PIK3R2: variants seen among roughly 807,000 people sequenced by gnomAD.
The protein encoded by PIK3R2 is phosphatidylinositol 3-kinase regulatory subunit beta.
PIK3R2 carries 40 observed loss-of-function variants against 78.5 expected under a neutral mutation model. The ratio of observed to expected loss-of-function variants is 0.51; its 90% CI spans 0.40 to 0.66. PIK3R2 has a LOEUF of 0.66. PIK3R2 is among the 30% of genes least tolerant of loss of function. The probability of loss-of-function intolerance (pLI) is 0.00; values close to 1 mark genes in which losing one functional copy is unlikely to be tolerated. For synonymous variants in PIK3R2, 473 were observed against 457.7 expected, an observed-to-expected ratio of 1.03 and a Z score of -0.43; for missense variants, 880 against 1,026.6, an observed-to-expected ratio of 0.86 and a Z score of 1.95.
At chr19:18,158,256 A>C (rs1398278557) in intron 2 of PIK3R2, among the ~76,000 whole-genome samples, 1 of 152,206 alleles carries the variant, frequency 6.6e-6, no homozygotes, top group Non-Finnish European at 1.5e-5. Flanking sequence ...TGGGAGGCCA[A>C]GGCGGGTGGA....
rs1001591816 is a variant in PIK3R2 at position 18,168,297 on chromosome 19, G to A, written c.1737-178G>A. On this transcript the variant is annotated intron_variant, in intron 13 of 15. Coordinates refer to ENST00000222254, the MANE Select transcript of PIK3R2 (RefSeq NM_005027.4). This position sits in a 1 kb window ranked among gnomAD's most constrained non-coding sequence, Gnocchi z 4.1. ...TCAGGGTTCCCCAGCAGAGCTGGGCGAGCCACCCTGGGTTCAGGCTGCCCT... is the reference window on the plus strand; with the variant it reads ...TCAGGGTTCCCCAGCAGAGCTGGGCAAGCCACCCTGGGTTCAGGCTGCCCT... 2.0e-5 allele frequency among the ~76,000 whole-genome samples: 3 copies of A among 152,126 alleles called. No homozygotes were observed. The highest frequency in any genetic ancestry group is 4.4e-5 in the Non-Finnish European group (3 of 68,020).
chr19:18,166,856 C>A (rs932753075), intron 12 of PIK3R2, among the ~76,000 whole-genome samples: 1 of 151,924 alleles, frequency 6.6e-6, no homozygotes, highest in East Asian at 1.9e-4. Flanking sequence ...CCCTGGAGGC[C>A]GGGTGCAGTG....
rs552587586 is a variant in PIK3R2, at chr19:18,161,031, C to T, written c.467-23C>T. On this transcript the variant is annotated intron_variant, in intron 4 of 15. Coordinates refer to ENST00000222254, the MANE Select transcript of PIK3R2 (RefSeq NM_005027.4). The surrounding 1 kb of genome is among the most constrained non-coding windows in gnomAD (Gnocchi z 5.3). ...GGGGCCCCAGTACACATGAGTTGGA[C>T]GTGTGCCCCCCTGCACCCGCAGACT... 4 of 1,611,406 alleles carry T rather than the reference C, an allele frequency of 2.5e-6. No individual in the cohort carries two copies. The highest frequency in any genetic ancestry group is 3.4e-6 in the Non-Finnish European group (4 of 1,179,184).
In PIK3R2 at chr19:18,169,654, T is replaced by C. The variant is rs1967135344; in HGVS notation, c.*360T>C. 4.2e-6 allele frequency: 1 copy of C among 239,542 alleles called. No individual in the cohort carries two copies. The highest frequency in any genetic ancestry group is 8.2e-6 in the Non-Finnish European group (1 of 122,694). The allele number at this position is 239,542 out of a possible 1,614,324, so 14.8% of individuals were successfully genotyped here. ...CGGGGTCCCGGAAGCCCCTTCTGGC[T>C]GCACCTGCCATGTTTACAGAGGGCC... On this transcript the variant is annotated 3_prime_UTR_variant, in exon 16 of 16. Transcript: ENST00000222254.
rs1034548059 is a variant in PIK3R2, at chr19:18,161,825, G to A, written c.816-141G>A. On this transcript the variant is annotated intron_variant, in intron 6 of 15. Transcript: ENST00000222254. This position sits in a 1 kb window ranked among gnomAD's most constrained non-coding sequence, Gnocchi z 5.3. ...CTATGAGGGAGCTGGCCTCGCACAT[G>A]TGCCTGTATCATCTCCTCCTCCGCC... 1.8e-4 allele frequency: 120 copies of A among 676,230 alleles called. No homozygotes were observed. The highest frequency in any genetic ancestry group is 4.0e-4 in the Middle Eastern group (1 of 2,476). The allele number at this position is 676,230 out of a possible 1,614,324, so 41.9% of individuals were successfully genotyped here.
chr19:18,158,518 A>AAAC (rs201193448), intron 2 of PIK3R2, among the ~76,000 whole-genome samples: 2 of 150,936 alleles, frequency 1.3e-5, no homozygotes, highest in Admixed American at 1.3e-4. Context: ...AACAACAACA[A>AAAC]AAAACGAGGA....
chr19:18,159,159 T>TTTTTTTTTTTTTTTTTTTTG, intron 2 of PIK3R2, among the ~76,000 whole-genome samples: 1 of 139,784 alleles, frequency 7.2e-6, no homozygotes, highest in Non-Finnish European at 1.5e-5. Context: ...TTTTTTTTTT[T>TTTTTTTTTTTTTTTTTTTTG]TTTTAAATTA....
rs1021411941 is a variant in PIK3R2 at position 18,163,174 on chromosome 19, G to A, written c.1290+27G>A. ...TCCGTGCTGGCCTGGGAGCCAGGGAGGGTAGCACCTGGCTGGCCCCAGGCC... is the reference window on the plus strand; with the variant it reads ...TCCGTGCTGGCCTGGGAGCCAGGGAAGGTAGCACCTGGCTGGCCCCAGGCC... On this transcript the variant is annotated intron_variant, in intron 10 of 15. Transcript: ENST00000222254. 11 of 1,613,242 alleles carry A rather than the reference G, an allele frequency of 6.8e-6. No individual in the cohort carries two copies. In the Admixed American group the frequency reaches 1.0e-4, roughly 15 times the overall value.
rs2043816594 is a variant in PIK3R2 at position 18,167,048 on chromosome 19, G to C, written c.1560-82G>C. 2 of 1,236,186 alleles carry C rather than the reference G, an allele frequency of 1.6e-6. No homozygotes were observed. Among genetic ancestry groups the C allele is most frequent in the African/African-American group, 3.1e-5 (2 of 63,734 alleles). 76.6% of individuals were successfully genotyped at this position (1,236,186 alleles called of 1,614,324 possible). ...CTACTCGGGAGGCTGAGGTAGGAGG[G>C]TCACCTGAGCCCAGGAGTTTGAGGG... On this transcript the variant is annotated intron_variant, in intron 12 of 15. Transcript: ENST00000222254. This position sits in a 1 kb window ranked among gnomAD's most constrained non-coding sequence, Gnocchi z 4.5.
At chr19:18,162,818 A>T (rs1167831885) in intron 9 of PIK3R2, 149 bp from the exon 10 acceptor site, 1 of 662,824 alleles carries the variant, frequency 1.5e-6, no homozygotes, top group Non-Finnish European at 2.5e-6. Flanking sequence ...TGAACCCGGG[A>T]GGTGGAGGTT....
Position 18,161,827 on chromosome 19 carries a change from G to A in PIK3R2, c.816-139G>A. On this transcript the variant is annotated intron_variant, in intron 6 of 15. Transcript: ENST00000222254. The surrounding 1 kb of genome is among the most constrained non-coding windows in gnomAD (Gnocchi z 5.3). ...ATGAGGGAGCTGGCCTCGCACATGT[G>A]CCTGTATCATCTCCTCCTCCGCCCT... is the stretch of plus-strand genomic sequence containing the variant. 1 of 682,476 alleles carries A rather than the reference G, an allele frequency of 1.5e-6. No individual in the cohort carries two copies. Among genetic ancestry groups the A allele is most frequent in the East Asian group, 2.7e-5 (1 of 36,946 alleles). The allele number at this position is 682,476 out of a possible 1,614,324, so 42.3% of individuals were successfully genotyped here. A position where few individuals can be genotyped will look rare whatever the true frequency, so the allele number is the denominator to read the frequency against.
intron 2 of PIK3R2, among the ~76,000 whole-genome samples, chr19:18,159,808 C>T (rs953212783): frequency 3.9e-5 from 6 of 152,114 alleles, no homozygotes; most frequent in Non-Finnish European, 8.8e-5. Context: ...GTGGTGCAAT[C>T]TTGGCTCACT....
At position 18,168,529 on chromosome 19, in the gene PIK3R2, T is replaced by C. The variant is rs560827222; in HGVS notation, c.1791T>C (p.Ile597=). 1.4e-5 allele frequency: 11 copies of C among 781,364 alleles called. No homozygotes were observed. In the South Asian group the frequency reaches 1.5e-4, roughly 10 times the overall value. 48.4% of individuals were successfully genotyped at this position (781,364 alleles called of 1,614,324 possible). A position where few individuals can be genotyped will look rare whatever the true frequency, so the allele number is the denominator to read the frequency against. The part of the protein sequence containing the change: ...RQKKINEWLG[I]KNETEDQYAL... ...AGAAAATCAACGAGTGGCTGGGGATTAAAAATGAGACTGAGGAGTGAGTGA... is the reference window on the plus strand; with the variant it reads ...AGAAAATCAACGAGTGGCTGGGGATCAAAAATGAGACTGAGGAGTGAGTGA... Residue 597 remains isoleucine, a synonymous_variant, in exon 14 of 16, where the codon ATT becomes ATC. Coordinates refer to ENST00000222254, the MANE Select transcript of PIK3R2 (RefSeq NM_005027.4). The surrounding 1 kb of genome is among the most constrained non-coding windows in gnomAD (Gnocchi z 4.1).
Position 18,167,117 on chromosome 19 carries a change from A to G in PIK3R2, c.1560-13A>G. ...AACCCTGAGGTCTCTGCGCCACCCC[A>G]CCCCTCCCACAGGATCCTGCTGAAC... On this transcript the variant is annotated splice_polypyrimidine_tract_variant and intron_variant, in intron 12 of 15. Coordinates refer to ENST00000222254, the MANE Select transcript of PIK3R2 (RefSeq NM_005027.4). The surrounding 1 kb of genome is among the most constrained non-coding windows in gnomAD (Gnocchi z 4.5). 6.4e-7 allele frequency: 1 copy of G among 1,554,938 alleles called. No individual in the cohort carries two copies. Among genetic ancestry groups the G allele is most frequent in the South Asian group, 1.2e-5 (1 of 84,176 alleles).
Position 18,169,601 on chromosome 19 carries a change from C to T in PIK3R2, c.*307C>T, listed in dbSNP as rs1967134321. ...CTCTCCATGGCTCTGGTCACCCTGA[C>T]CCTCTGCCCTGCCCACCGCAGGTCC... is the stretch of plus-strand genomic sequence containing the variant. On this transcript the variant is annotated 3_prime_UTR_variant, in exon 16 of 16. Coordinates refer to ENST00000222254, the MANE Select transcript of PIK3R2 (RefSeq NM_005027.4). The T allele has an allele frequency of 1.4e-5, 4 of 278,974 alleles. No homozygotes were observed. Among genetic ancestry groups the T allele is most frequent in the African/African-American group, 6.6e-5 (3 of 45,336 alleles). 17.3% of individuals were successfully genotyped at this position (278,974 alleles called of 1,614,324 possible).
chr19:18,164,784 T>G (rs979830302), intron 11 of PIK3R2, among the ~76,000 whole-genome samples: 1 of 150,808 alleles, frequency 6.6e-6, no homozygotes, highest in Non-Finnish European at 1.5e-5. Context: ...TACAGGCACG[T>G]GCCACCATGC....
rs1453322039 is a variant in PIK3R2 at position 18,167,545 on chromosome 19, G to A, written c.1736+239G>A. Among the ~76,000 whole-genome samples the A allele has an allele frequency of 7.9e-5, 12 of 152,094 alleles. No homozygotes were observed. The highest frequency in any genetic ancestry group is 2.9e-4 in the African/African-American group (12 of 41,406). On this transcript the variant is annotated intron_variant, in intron 13 of 15. Coordinates refer to ENST00000222254, the MANE Select transcript of PIK3R2 (RefSeq NM_005027.4). This position sits in a 1 kb window ranked among gnomAD's most constrained non-coding sequence, Gnocchi z 4.5. ...ATCCCATTCCATTTTGTGGAAAGTTGGAAGCCTTCCACAAAAATTCCTGCT... is the reference window on the plus strand; with the variant it reads ...ATCCCATTCCATTTTGTGGAAAGTTAGAAGCCTTCCACAAAAATTCCTGCT...
rs1190372047 is a variant in PIK3R2 at position 18,167,863 on chromosome 19, C to CAAAAA, written c.1736+558_1736+559insAAAAA. ...TGGGCAACAGAGCAACACTCTGCCT[C>CAAAAA]AGAAAAGAAAAGAAAAAAAAAATCG... On this transcript the variant is annotated intron_variant, in intron 13 of 15. Coordinates refer to ENST00000222254, the MANE Select transcript of PIK3R2 (RefSeq NM_005027.4). The surrounding 1 kb of genome is among the most constrained non-coding windows in gnomAD (Gnocchi z 4.5). 6.6e-6 allele frequency among the ~76,000 whole-genome samples: 1 copy of CAAAAA among 150,814 alleles called. No individual in the cohort carries two copies. The highest frequency in any genetic ancestry group is 2.4e-5 in the African/African-American group (1 of 41,060).
At position 18,161,902 on chromosome 19, in the gene PIK3R2, C is replaced by T. The variant is rs1291833713; in HGVS notation, c.816-64C>T. 1.5e-6 allele frequency: 2 copies of T among 1,353,120 alleles called. No individual in the cohort carries two copies. The highest frequency in any genetic ancestry group is 2.9e-5 in the African/African-American group (2 of 69,892). The allele number at this position is 1,353,120 out of a possible 1,614,324, so 83.8% of individuals were successfully genotyped here. ...CCAGGCGTGCAAGCGCACGCACAAT[C>T]CTGTGCACATGCGTGGGCGGACAGG... On this transcript the variant is annotated intron_variant, in intron 6 of 15. Coordinates refer to ENST00000222254, the MANE Select transcript of PIK3R2 (RefSeq NM_005027.4). This position sits in a 1 kb window ranked among gnomAD's most constrained non-coding sequence, Gnocchi z 5.3.
Sources: gnomAD v4.1 joint callset for allele counts (sites outside exome capture counted in the v4.1 genomes callset) on GRCh38, gnomAD v4.1.1 for gene constraint, Gnocchi (gnomAD v3.1) non-coding constraint, MANE v1.5 for transcripts, NCBI Gene and HGNC (gene_info 2026-07-23, HGNC 2026-07-21) for gene names.